Variants in ADGB observed in about 807,000 individuals in gnomAD.
ADGB encodes androglobin, also known as calpain-7-like protein.
ADGB carries 172 observed loss-of-function variants against 210.5 expected under a neutral mutation model. The ratio of observed to expected loss-of-function variants is 0.82; its 90% confidence interval spans 0.72 to 0.93. The LOEUF (loss-of-function observed/expected upper bound fraction) is 0.93. Ranked by LOEUF, ADGB falls within the 40% of genes least tolerant of loss-of-function variation. ADGB has a pLI of 0.00. For synonymous variants in ADGB, 658 were observed against 662.7 expected (o/e 0.99, Z 0.11); for missense variants, 2,025 against 1,964.8 (o/e 1.03, Z -0.58).
At chr6:146,615,366 G>A (rs1780782689) in intron 1 of ADGB, among the ~76,000 whole-genome samples, 1 of 152,058 alleles carries the variant, frequency 6.6e-6, no homozygotes, top group South Asian at 2.1e-4. Flanking sequence ...ATTTCAACAT[G>A]AGATTTGGAG....
At position 146,794,336 on chromosome 6, in the gene ADGB, C is replaced by T. The variant is rs555228223; in HGVS notation, c.4537+5726C>T. On this transcript the variant is annotated intron_variant, in intron 33 of 35. Coordinates refer to ENST00000397944, the MANE Select transcript of ADGB (RefSeq NM_024694.4). ...CCTAGAGTACTTGCCAAGGTAGCTCCGGTGAGTGGCTGGAAAGGGGTGTTG... is the reference window on the plus strand; with the variant it reads ...CCTAGAGTACTTGCCAAGGTAGCTCTGGTGAGTGGCTGGAAAGGGGTGTTG... Among the ~76,000 whole-genome samples the T allele has an allele frequency of 8.1e-4, 123 of 152,162 alleles. 3 individuals carry two copies. The South Asian group carries it at 0.022, about 27-fold the overall frequency.
intron 35 of ADGB, 38 bp downstream of exon 35, chr6:146,802,049 A>T: frequency 1.5e-6 from 2 of 1,341,570 alleles, no homozygotes; most frequent in East Asian, 3.0e-5. Flanking sequence ...ATAGTTGGCA[A>T]ATTCTTTCGT....
intron 13 of ADGB, among the ~76,000 whole-genome samples, chr6:146,712,349 T>TG (rs1308873342): frequency 3.1e-5 from 4 of 130,712 alleles, no homozygotes; most frequent in Non-Finnish European, 1.5e-5. Context: ...CACACCAGGC[T>TG]AATTTTTTTG....
chr6:146,602,096 A>T (rs1452439869), intron 1 of ADGB, among the ~76,000 whole-genome samples: 1 of 152,236 alleles, frequency 6.6e-6, no homozygotes, highest in African/African-American at 2.4e-5. Context: ...TTTACATTAG[A>T]TTAAACAATT....
At chr6:146,615,107 C>T (rs1294320176) in intron 1 of ADGB, among the ~76,000 whole-genome samples, 2 of 151,598 alleles carry the variant, frequency 1.3e-5, no homozygotes, top group Non-Finnish European at 1.5e-5. Flanking sequence ...CGGGGTTTCA[C>T]GTGTTAGCCA....
chr6:146,742,887 C>CT (rs567940065), intron 25 of ADGB, among the ~76,000 whole-genome samples: 5 of 149,178 alleles, frequency 3.4e-5, no homozygotes, highest in African/African-American at 4.9e-5. Flanking sequence ...TTTTGTGATT[C>CT]TTTTTTTTTT....
intron 1 of ADGB, among the ~76,000 whole-genome samples, chr6:146,622,035 C>T (rs1479575407): frequency 2.0e-5 from 3 of 152,130 alleles, no homozygotes; most frequent in African/African-American, 4.8e-5. Context: ...TGCTCCACAT[C>T]CTTTTCAACA....
intron 16 of ADGB, among the ~76,000 whole-genome samples, chr6:146,719,189 T>C (rs1001825569): frequency 6.6e-6 from 1 of 152,136 alleles, no homozygotes; most frequent in Non-Finnish European, 1.5e-5. Context: ...AAATAACATA[T>C]GTAAAACACT....
chr6:146,668,826 G>A (rs1400120518), intron 7 of ADGB, among the ~76,000 whole-genome samples: 1 of 152,082 alleles, frequency 6.6e-6, no homozygotes, highest in Non-Finnish European at 1.5e-5. Flanking sequence ...AATTTTCCAT[G>A]TAATAATAGA....
intron 8 of ADGB, among the ~76,000 whole-genome samples, chr6:146,673,819 C>T (rs1354248423): frequency 6.6e-6 from 1 of 152,126 alleles, no homozygotes; most frequent in Non-Finnish European, 1.5e-5. Context: ...CATGTCAAGA[C>T]TCCTAGGCTG....
chr6:146,789,553 T>C (rs1218754602), intron 33 of ADGB, among the ~76,000 whole-genome samples: 1 of 152,190 alleles, frequency 6.6e-6, no homozygotes, highest in Admixed American at 6.5e-5. Context: ...GTGATTTCCA[T>C]ACTGAGAGGA....
intron 1 of ADGB, 130 bp downstream of exon 1, chr6:146,599,244 C>T: frequency 2.5e-6 from 2 of 807,762 alleles, no homozygotes; most frequent in Non-Finnish European, 4.2e-6. Context: ...AGCTTGTCTT[C>T]TCTGGTAAAC....
intron 13 of ADGB, among the ~76,000 whole-genome samples, chr6:146,710,046 A>T (rs1776638367): frequency 6.6e-6 from 1 of 151,520 alleles, no homozygotes; most frequent in South Asian, 2.1e-4. Context: ...TTTATTTTTA[A>T]TGTGGTTGAA....
intron 1 of ADGB, among the ~76,000 whole-genome samples, chr6:146,613,174 T>A (rs959654849): frequency 1.6e-4 from 24 of 152,214 alleles, no homozygotes; most frequent in Admixed American, 2.6e-4. Context: ...GCACGATGTA[T>A]TGAAAAAGAA....
At chr6:146,633,968 CACTCTCAAATCACTG>C (rs1486695161) in intron 1 of ADGB, among the ~76,000 whole-genome samples, 1 of 152,140 alleles carries the variant, frequency 6.6e-6, no homozygotes, top group Non-Finnish European at 1.5e-5. Context: ...CCTTCACAGT[CACTCTCAAATCACTG>C]ACTCATTAAA....
chr6:146,783,834 T>A (rs1476077890), intron 30 of ADGB, among the ~76,000 whole-genome samples: 1 of 152,166 alleles, frequency 6.6e-6, no homozygotes, highest in African/African-American at 2.4e-5. Flanking sequence ...ACGTAAAACT[T>A]GTCTCCCAGC....
At chr6:146,724,404 C>T (rs1384442240) in intron 18 of ADGB, 77 bp downstream of exon 18, 1 of 1,377,258 alleles carries the variant, frequency 7.3e-7, no homozygotes. Flanking sequence ...AAGAAGTAAA[C>T]AATATGGACT....
chr6:146,613,350 A>T (rs1488501835), intron 1 of ADGB, among the ~76,000 whole-genome samples: 1 of 152,210 alleles, frequency 6.6e-6, no homozygotes. Context: ...TAAAACTCAG[A>T]ATGCCCTGAC....
intron 27 of ADGB, among the ~76,000 whole-genome samples, chr6:146,753,091 C>T (rs1003598375): frequency 3.3e-5 from 5 of 151,914 alleles, no homozygotes; most frequent in African/African-American, 1.2e-4. Context: ...ATATTATTCT[C>T]AATGAGTTAT....
Sources: gnomAD v4.1 joint callset for allele counts (sites outside exome capture counted in the v4.1 genomes callset) on GRCh38, gnomAD v4.1.1 for gene constraint, MANE v1.5 for transcripts, NCBI Gene and HGNC (gene_info 2026-07-23, HGNC 2026-07-21) for gene names.